The following TRPM3 variants were observed in gnomAD, a reference collection of about 807,000 sequenced individuals.
The protein encoded by TRPM3 is long transient receptor potential channel 3.
A neutral mutation model predicts 181.2 loss-of-function variants in TRPM3; 77 were observed. The ratio of observed to expected loss-of-function variants is 0.42; its 90% CI spans 0.35 to 0.51. The LOEUF (loss-of-function observed/expected upper bound fraction) is 0.51, where lower values mean the gene tolerates loss of function less well. Ranked by LOEUF, TRPM3 falls within the 20% of genes least tolerant of loss-of-function variation. TRPM3 has a pLI of 0.01. For synonymous variants in TRPM3, 745 were observed against 796.4 expected, an observed-to-expected ratio of 0.94 and a Z score of 1.09; for missense variants, 1,759 against 2,196.7, an observed-to-expected ratio of 0.80 and a Z score of 3.98.
At chr9:71,192,056 C>G (rs11142719) in intron 1 of TRPM3, among the ~76,000 whole-genome samples, 19,405 of 151,848 alleles carry the variant, frequency 0.13, 1,721 homozygotes, top group Non-Finnish European at 0.19. Flanking sequence ...ATACAGTAAC[C>G]TTTACGTCTG....
At chr9:70,603,702 G>A (rs1249862897) in intron 19 of TRPM3, among the ~76,000 whole-genome samples, 11 of 152,174 alleles carry the variant, frequency 7.2e-5, no homozygotes. Flanking sequence ...TGGGGCTCTG[G>A]TGCTTCGTTT....
chr9:71,283,287 A>C (rs1254944746), intron 1 of TRPM3, among the ~76,000 whole-genome samples: 1 of 151,784 alleles, frequency 6.6e-6, no homozygotes, highest in Non-Finnish European at 1.5e-5. Context: ...ATGTGTCAGC[A>C]TTTCTTTCTT....
intron 1 of TRPM3, chr9:70,917,125 T>G: frequency 1.2e-6 from 2 of 1,605,064 alleles, no homozygotes; most frequent in Admixed American, 3.3e-5. Flanking sequence ...CCATAGGGGT[T>G]CGGATGAGTT....
chr9:71,007,450 AAAAAAC>A (rs2097692120), intron 1 of TRPM3, among the ~76,000 whole-genome samples: 1 of 152,178 alleles, frequency 6.6e-6, no homozygotes, highest in Non-Finnish European at 1.5e-5. Context: ...ACATTCTCCA[AAAAAAC>A]TGTATGTAAG....
intron 7 of TRPM3, among the ~76,000 whole-genome samples, chr9:70,766,280 A>ACATACAAAT (rs1177859340): frequency 6.6e-6 from 1 of 152,172 alleles, no homozygotes; most frequent in Admixed American, 6.5e-5. Context: ...TATAACCCAC[A>ACATACAAAT]CATACAAATA....
intron 1 of TRPM3, among the ~76,000 whole-genome samples, chr9:70,933,130 T>A (rs1346532212): frequency 6.6e-6 from 1 of 152,118 alleles, no homozygotes; most frequent in Non-Finnish European, 1.5e-5. Flanking sequence ...AAGATTCAGT[T>A]GAGAATATCA....
intron 1 of TRPM3, among the ~76,000 whole-genome samples, chr9:70,911,889 T>C (rs1355956783): frequency 6.6e-6 from 1 of 152,200 alleles, no homozygotes; most frequent in Non-Finnish European, 1.5e-5. Context: ...TCCCTAGAAT[T>C]AATGCAAACT....
chr9:71,346,160 T>A (rs1019082623), intron 1 of TRPM3, among the ~76,000 whole-genome samples: 1 of 152,198 alleles, frequency 6.6e-6, no homozygotes, highest in African/African-American at 2.4e-5. Context: ...AAAAATTATA[T>A]GACATATTCA....
intron 1 of TRPM3, among the ~76,000 whole-genome samples, chr9:71,150,909 A>G (rs537030170): frequency 2.0e-5 from 3 of 152,318 alleles, no homozygotes; most frequent in East Asian, 3.9e-4. Flanking sequence ...AACAGCATAC[A>G]GTCTAGACAA....
chr9:70,895,888 G>A (rs2132928724), intron 1 of TRPM3, among the ~76,000 whole-genome samples: 1 of 152,266 alleles, frequency 6.6e-6, no homozygotes, highest in African/African-American at 2.4e-5. Flanking sequence ...AAAACTATTA[G>A]ATAACTCTAA....
chr9:71,358,458 A>C (rs2092000247), intron 1 of TRPM3, among the ~76,000 whole-genome samples: 1 of 152,132 alleles, frequency 6.6e-6, no homozygotes, highest in Non-Finnish European at 1.5e-5. Flanking sequence ...AAAACAACTA[A>C]GGGAGTCTAC....
At chr9:70,803,090 G>A (rs2089664660) in intron 6 of TRPM3, among the ~76,000 whole-genome samples, 1 of 148,476 alleles carries the variant, frequency 6.7e-6, no homozygotes, top group Admixed American at 6.7e-5. Flanking sequence ...TTTTCTGAAG[G>A]GGAAGAAGAG....
chr9:70,539,344 G>C (rs1410747882), intron 25 of TRPM3, among the ~76,000 whole-genome samples: 1 of 152,100 alleles, frequency 6.6e-6, no homozygotes, highest in East Asian at 1.9e-4. Flanking sequence ...GAGCATGGGG[G>C]TGTGACTCCC....
chr9:71,351,874 T>G (rs200762901), intron 1 of TRPM3, among the ~76,000 whole-genome samples: 1,611 of 98,808 alleles, frequency 0.016, 24 homozygotes, highest in African/African-American at 0.039. Flanking sequence ...TTGTTTGTTT[T>G]TGTTTTTTTT....
At chr9:71,294,508 T>A (rs1385350712) in intron 1 of TRPM3, among the ~76,000 whole-genome samples, 1 of 152,092 alleles carries the variant, frequency 6.6e-6, no homozygotes, top group African/African-American at 2.4e-5. Context: ...CTCCATGAAT[T>A]TTTATGTACC....
At chr9:71,233,144 G>A (rs529085274) in intron 1 of TRPM3, among the ~76,000 whole-genome samples, 1 of 152,254 alleles carries the variant, frequency 6.6e-6, no homozygotes, top group East Asian at 1.9e-4. Context: ...ATTGTCCTAA[G>A]ATCACATGAG....
chr9:70,620,233 T>G lies in TRPM3; in HGVS notation c.1972A>C (p.Met658Leu), dbSNP rs1564588799. ...AACAGGGCCATCTTCTGCCGCTTCA[T>G]GAGAACAGCCCACACCATGAGCTCA... is the stretch of plus-strand genomic sequence containing the variant. ...FHELMVWAVL[M>L]KRQKMALFFW... The change falls in exon 16 of 26, where the codon ATG becomes CTG. Residue 658 changes from methionine (M) to leucine (L), a missense_variant. Met to Leu is a conservative substitution (Grantham distance 15). Coordinates refer to ENST00000677713, the MANE Select transcript of TRPM3 (RefSeq NM_001366145.2). 1 of 1,614,160 alleles carries G rather than the reference T, an allele frequency of 6.2e-7. No homozygotes were observed. The highest frequency in any genetic ancestry group is 1.3e-5 in the African/African-American group (1 of 75,036).
At chr9:71,007,557 A>C in intron 1 of TRPM3, among the ~76,000 whole-genome samples, 1 of 152,206 alleles carries the variant, frequency 6.6e-6, no homozygotes, top group African/African-American at 2.4e-5. Flanking sequence ...AGAAATCAAT[A>C]ACAGGAGGAA....
chr9:70,912,204 A>C (rs997984505), intron 1 of TRPM3, among the ~76,000 whole-genome samples: 6 of 152,210 alleles, frequency 3.9e-5, no homozygotes, highest in African/African-American at 1.2e-4. Flanking sequence ...GGATAAATGT[A>C]ATCTTCTCCA....
Sources: gnomAD v4.1 joint callset for allele counts (sites outside exome capture counted in the v4.1 genomes callset) on GRCh38, gnomAD v4.1.1 for gene constraint, MANE v1.5 for transcripts, NCBI Gene and HGNC (gene_info 2026-07-23, HGNC 2026-07-21) for gene names.